The following RNF150 variants were observed in gnomAD, a reference collection of about 807,000 sequenced individuals.
RNF150 encodes ring finger protein 150.
RNF150 carries 24 observed loss-of-function variants against 39.3 expected under a neutral mutation model. That is an observed-to-expected ratio of 0.61 (90% CI 0.44 to 0.86). The LOEUF (loss-of-function observed/expected upper bound fraction) is 0.86. Among genes scored for constraint, RNF150 ranks in the 40% least tolerant of loss-of-function variants. The probability of loss-of-function intolerance (pLI) is 0.00; values close to 1 mark genes in which losing one functional copy is unlikely to be tolerated. For missense variants in RNF150, 502 were observed against 587.8 expected (o/e 0.85, Z 1.51); for synonymous variants, 255 against 227.3 (o/e 1.12, Z -1.10).
chr4:141,154,432 G>A (rs1727349674), intron 1 of RNF150, among the ~76,000 whole-genome samples: 1 of 152,180 alleles, frequency 6.6e-6, no homozygotes, highest in Non-Finnish European at 1.5e-5. Flanking sequence ...GGGGCTGTTA[G>A]GCAAGCACTT....
In RNF150 at chr4:141,037,800, A is replaced by G. The variant is rs58233938; in HGVS notation, c.485-69927T>C. Among the ~76,000 whole-genome samples, 47 of 152,308 alleles carry G rather than the reference A, an allele frequency of 3.1e-4. No homozygotes were observed. The East Asian group carries it at 3.1e-3, about 10-fold the overall frequency. On this transcript the variant is annotated intron_variant, in intron 1 of 6. Transcript: ENST00000515673. ...ATATGAAAGAAAAGATAATCAATGG[A>G]AGATTAACAGTACAAATCAGTTAAT...
At chr4:141,032,996 G>A (rs1007750572) in intron 1 of RNF150, among the ~76,000 whole-genome samples, 10 of 152,188 alleles carry the variant, frequency 6.6e-5, no homozygotes, top group Non-Finnish European at 1.3e-4. Context: ...CAGGGTGGTG[G>A]TTACTGAAGG....
rs538999325 is a variant in RNF150, at chr4:141,138,742, C to A, written c.-6+74052G>T. 2.0e-5 allele frequency among the ~76,000 whole-genome samples: 3 copies of A among 152,170 alleles called. No individual in the cohort carries two copies. The South Asian group carries it at 6.2e-4, about 32-fold the overall frequency. On this transcript the variant is annotated intron_variant, in intron 1 of 7. Transcript: ENST00000420921. Reference sequence around the variant, plus strand: ...CATGGGCAATTTTAACTGTGCTGAGCCACAATCTTCTCTTCAAAGTGGAGT... The same window carrying A: ...CATGGGCAATTTTAACTGTGCTGAGACACAATCTTCTCTTCAAAGTGGAGT...
chr4:140,934,077 C>T (rs1050697000), intron 4 of RNF150, among the ~76,000 whole-genome samples: 1 of 152,174 alleles, frequency 6.6e-6, no homozygotes, highest in African/African-American at 2.4e-5. Context: ...GTGGCGTGAT[C>T]TAGGCTCACT....
Position 141,177,069 on chromosome 4 carries a change from A to C in RNF150, c.-6+35725T>G, listed in dbSNP as rs544163689. ...TGTCTCCTAGGAAAAAAAAAAAAAAAAAAAACAAAGAAAAAAGACGGGTGT... is the reference window on the plus strand; with the variant it reads ...TGTCTCCTAGGAAAAAAAAAAAAAACAAAAACAAAGAAAAAAGACGGGTGT... On this transcript the variant is annotated intron_variant, in intron 1 of 7. Coordinates refer to the RNF150 transcript ENST00000420921. Among the ~76,000 whole-genome samples the C allele has an allele frequency of 6.1e-3, 925 of 151,470 alleles. 13 individuals carry two copies. The highest frequency in any genetic ancestry group is 0.021 in the African/African-American group (867 of 41,376).
chr4:140,868,360 T>A lies in RNF150; in HGVS notation c.1218A>T (p.Val406=), dbSNP rs938524573. The A allele has an allele frequency of 1.9e-6, 3 of 1,611,662 alleles. No homozygotes were observed. In the African/African-American group the frequency reaches 4.0e-5, roughly 22 times the overall value. ...TCAAGGAAATGTCAGAATCACTGCTTACAGCTGGCTCCTGCTCACCTGGGA... is the reference window on the plus strand; with the variant it reads ...TCAAGGAAATGTCAGAATCACTGCTAACAGCTGGCTCCTGCTCACCTGGGA... ...FTTNSEQEPA[V]SSDSDISLIM... is the part of the protein sequence containing the mutation. Residue 406 remains valine, a synonymous_variant, in exon 7 of 7, where the codon GTA becomes GTT. Transcript: ENST00000515673.
chr4:141,093,224 G>C (rs969513156), intron 1 of RNF150, among the ~76,000 whole-genome samples: 1 of 152,080 alleles, frequency 6.6e-6, no homozygotes, highest in Admixed American at 6.5e-5. Context: ...GAATTGGCCG[G>C]GCATGGTGGC....
intron 1 of RNF150, among the ~76,000 whole-genome samples, chr4:141,027,400 C>G (rs1176572988): frequency 6.6e-6 from 1 of 150,966 alleles, no homozygotes; most frequent in Non-Finnish European, 1.5e-5. Flanking sequence ...TCACATTGTT[C>G]AAATTATACA....
At chr4:140,972,489 A>C (rs1309554655) in intron 1 of RNF150, among the ~76,000 whole-genome samples, 2 of 152,290 alleles carry the variant, frequency 1.3e-5, no homozygotes, top group East Asian at 3.9e-4. Flanking sequence ...TAAGGCATAC[A>C]ATTATATTAC....
chr4:141,045,468 C>T (rs1736536607), intron 1 of RNF150, among the ~76,000 whole-genome samples: 1 of 152,140 alleles, frequency 6.6e-6, no homozygotes, highest in South Asian at 2.1e-4. Context: ...CACAGGTTTA[C>T]TGACTCTTTT....
intron 1 of RNF150, among the ~76,000 whole-genome samples, chr4:141,011,983 C>G (rs1179618660): frequency 6.6e-6 from 1 of 152,210 alleles, no homozygotes; most frequent in African/African-American, 2.4e-5. Flanking sequence ...AAACTGAGCT[C>G]CAAGACTTCA....
intron 1 of RNF150, among the ~76,000 whole-genome samples, chr4:141,178,791 G>C (rs1247755936): frequency 6.9e-6 from 1 of 144,708 alleles, no homozygotes; most frequent in Admixed American, 6.7e-5. Flanking sequence ...GTTGAATGAT[G>C]TATTTTTGCA....
chr4:141,188,795 TC>T (rs1728057291), intron 1 of RNF150, among the ~76,000 whole-genome samples: 1 of 152,224 alleles, frequency 6.6e-6, no homozygotes, highest in Non-Finnish European at 1.5e-5. Context: ...GTTCTTATCT[TC>T]CTTGCTTCCT....
At chr4:141,143,473 C>T (rs1027171601) in intron 1 of RNF150, among the ~76,000 whole-genome samples, 1 of 152,148 alleles carries the variant, frequency 6.6e-6, no homozygotes. Flanking sequence ...CTCAAACCTA[C>T]TCTTCTCTCC....
At chr4:140,930,918 G>GGCCGTGGAAAT (rs1234146472) in intron 4 of RNF150, among the ~76,000 whole-genome samples, 2 of 151,616 alleles carry the variant, frequency 1.3e-5, no homozygotes, top group African/African-American at 2.4e-5. Context: ...ACAATGGAAA[G>GGCCGTGGAAAT]GTTGCACTCC....
intron 5 of RNF150, among the ~76,000 whole-genome samples, chr4:140,921,110 G>C (rs575726151): frequency 4.0e-4 from 60 of 150,440 alleles, no homozygotes; most frequent in Non-Finnish European, 7.8e-4. Flanking sequence ...CAGCACACCA[G>C]CATGGCACAT....
chr4:140,906,626 A>T (rs1189658089), intron 6 of RNF150, among the ~76,000 whole-genome samples: 1 of 152,190 alleles, frequency 6.6e-6, no homozygotes, highest in African/African-American at 2.4e-5. Context: ...GAGGAAATCC[A>T]TATCATTTTT....
rs183710982 is a variant in RNF150, at chr4:140,918,882, T to C, written c.987+7095A>G. Among the ~76,000 whole-genome samples the C allele has an allele frequency of 2.6e-3, 395 of 152,298 alleles. 1 individual carries two copies. The highest frequency in any genetic ancestry group is 0.014 in the Middle Eastern group (4 of 294). ...CCTGGGATGAAAGTCTGGATCAACA[T>C]ATGCAAATCAATAATTCTAATCCAG... On this transcript the variant is annotated intron_variant, in intron 5 of 6. Coordinates refer to ENST00000515673, the MANE Select transcript of RNF150 (RefSeq NM_020724.2).
intron 1 of RNF150, among the ~76,000 whole-genome samples, chr4:141,202,686 T>A (rs1218117171): frequency 6.6e-6 from 1 of 152,038 alleles, no homozygotes; most frequent in African/African-American, 2.4e-5. Flanking sequence ...ATTATTCTTA[T>A]TAATTTATAA....
Sources: allele counts gnomAD v4.1 joint callset (sites outside exome capture counted in the v4.1 genomes callset), GRCh38; gene constraint gnomAD v4.1.1; transcripts MANE v1.5; gene names NCBI Gene and HGNC (gene_info 2026-07-23, HGNC 2026-07-21).